KIRREL3: variants seen among roughly 807,000 people sequenced by gnomAD.
KIRREL3 encodes the protein kirre like nephrin family adhesion molecule 3.
A neutral mutation model predicts 89.7 loss-of-function variants in KIRREL3; 36 were observed. The observed-to-expected ratio is 0.40, with a 90% CI of 0.31 to 0.53. The LOEUF is 0.53. Ranked by LOEUF, KIRREL3 falls within the 20% of genes least tolerant of loss-of-function variation. The pLI, the probability that KIRREL3 is intolerant of heterozygous loss-of-function variation, is 0.49. For synonymous variants in KIRREL3, 445 were observed against 441.4 expected, an observed-to-expected ratio of 1.01 and a Z score of -0.10; for missense variants, 864 against 1,056.6, an observed-to-expected ratio of 0.82 and a Z score of 2.53.
intron 1 of KIRREL3, among the ~76,000 whole-genome samples, chr11:126,820,892 T>C (rs1346546676): frequency 1.3e-5 from 2 of 152,126 alleles, no homozygotes; most frequent in African/African-American, 4.8e-5. Flanking sequence ...TACCTTGAGT[T>C]TTCGTGAGGA....
At chr11:126,827,305 G>A (rs573654405) in intron 1 of KIRREL3, among the ~76,000 whole-genome samples, 1 of 152,094 alleles carries the variant, frequency 6.6e-6, no homozygotes, top group Admixed American at 6.5e-5. Flanking sequence ...AGCCTCCCGA[G>A]TAGCTGGGGC....
rs1356835760 is a variant in KIRREL3, at chr11:126,612,443, T to C, written c.56-49531A>G. Among the ~76,000 whole-genome samples the C allele has an allele frequency of 2.0e-5, 3 of 152,242 alleles. No individual in the cohort carries two copies. The highest frequency in any genetic ancestry group is 7.2e-5 in the African/African-American group (3 of 41,474). On this transcript the variant is annotated intron_variant, in intron 1 of 16. Coordinates refer to ENST00000525144, the MANE Select transcript of KIRREL3 (RefSeq NM_032531.4). This position sits in a 1 kb window ranked among gnomAD's most constrained non-coding sequence, Gnocchi z 4.5. The stretch of plus-strand genomic sequence containing the variant: ...TATGCATCCTATCACCTGGCTCTGC[T>C]ACTAACTGTCTCATGAACTTGGAAG...
At chr11:126,661,340 A>AT (rs1273736629) in intron 1 of KIRREL3, among the ~76,000 whole-genome samples, 1 of 152,218 alleles carries the variant, frequency 6.6e-6, no homozygotes, top group Non-Finnish European at 1.5e-5. Flanking sequence ...CACCAGCTGC[A>AT]TTTTGCAAGA....
chr11:126,833,004 C>G (rs1943661567), intron 1 of KIRREL3, among the ~76,000 whole-genome samples: 1 of 152,190 alleles, frequency 6.6e-6, no homozygotes, highest in Non-Finnish European at 1.5e-5. Context: ...GGCTGCCACA[C>G]CACCTTTAAA....
At position 126,946,478 on chromosome 11, in the gene KIRREL3, T is replaced by C. The variant is rs1948622909; in HGVS notation, c.55+53977A>G. Among the ~76,000 whole-genome samples, 1 of 152,240 alleles carries C rather than the reference T, an allele frequency of 6.6e-6. No homozygotes were observed. Among genetic ancestry groups the C allele is most frequent in the Non-Finnish European group, 1.5e-5 (1 of 68,044 alleles). ...ACAGTTGAAAAAGGACTAATACAAA[T>C]GCCCATAAAATCTACAGACTAGACT... On this transcript the variant is annotated intron_variant, in intron 1 of 16. Coordinates refer to ENST00000525144, the MANE Select transcript of KIRREL3 (RefSeq NM_032531.4). This position sits in a 1 kb window ranked among gnomAD's most constrained non-coding sequence, Gnocchi z 4.1.
At chr11:126,595,021 C>T (rs1942329661) in intron 1 of KIRREL3, among the ~76,000 whole-genome samples, 1 of 152,234 alleles carries the variant, frequency 6.6e-6, no homozygotes, top group Non-Finnish European at 1.5e-5. Flanking sequence ...TGAGCGTGCC[C>T]TGAAGATGGG....
At chr11:126,899,535 C>T (rs1946290298) in intron 1 of KIRREL3, among the ~76,000 whole-genome samples, 1 of 152,204 alleles carries the variant, frequency 6.6e-6, no homozygotes, top group African/African-American at 2.4e-5. Flanking sequence ...TTCCATCTAA[C>T]CAATTTGAAA....
At chr11:126,482,929 G>A (rs1025451048) in intron 4 of KIRREL3, among the ~76,000 whole-genome samples, 1 of 152,244 alleles carries the variant, frequency 6.6e-6, no homozygotes, top group African/African-American at 2.4e-5. Context: ...TTTTGGAGTG[G>A]TTTATTATGC....
intron 1 of KIRREL3, among the ~76,000 whole-genome samples, chr11:126,580,725 C>A (rs1244118183): frequency 6.6e-6 from 1 of 152,148 alleles, no homozygotes; most frequent in Non-Finnish European, 1.5e-5. Flanking sequence ...GACTGCTCTG[C>A]CCTGTCTTCT....
chr11:126,822,181 C>A (rs939516), intron 1 of KIRREL3, among the ~76,000 whole-genome samples: 131,485 of 152,256 alleles, frequency 0.86, 57,126 homozygotes, highest in East Asian at 1. Context: ...ATAAGAATGG[C>A]TATCTTATGG....
chr11:127,002,396 C>G (rs1419097377), upstream of KIRREL3, among the ~76,000 whole-genome samples: 1 of 152,110 alleles, frequency 6.6e-6, no homozygotes, highest in Non-Finnish European at 1.5e-5. Context: ...AAGAGGCAGC[C>G]CATTAGCTAA....
At chr11:126,507,873 A>C (rs1024435206) in intron 4 of KIRREL3, among the ~76,000 whole-genome samples, 14 of 152,226 alleles carry the variant, frequency 9.2e-5, no homozygotes, top group Non-Finnish European at 1.6e-4. Flanking sequence ...TGGAAGAGTA[A>C]GAGGACCAGC....
chr11:126,855,433 C>A lies in KIRREL3; in HGVS notation c.55+145022G>T, dbSNP rs537265478. Among the ~76,000 whole-genome samples, 153 of 152,320 alleles carry A rather than the reference C, an allele frequency of 1.0e-3. No homozygotes were observed. In the Middle Eastern group the frequency reaches 0.01, roughly 10 times the overall value. ...TTAACTTTCCTGAGGCCTCCCCAGC[C>A]ATGCTTCCTGGACAGCCTGCAGAAT... On this transcript the variant is annotated intron_variant, in intron 1 of 16. Transcript: ENST00000525144.
intron 2 of KIRREL3, among the ~76,000 whole-genome samples, chr11:126,554,569 A>G (rs372541568): frequency 3.9e-5 from 6 of 152,300 alleles, no homozygotes; most frequent in Admixed American, 3.3e-4. Context: ...AGCATCTTGG[A>G]GCTACTGACT....
At position 126,946,730 on chromosome 11, in the gene KIRREL3, CTT is replaced by C. The variant is rs1308432552; in HGVS notation, c.55+53723_55+53724del. Among the ~76,000 whole-genome samples, 2 of 152,140 alleles carry C rather than the reference CTT, an allele frequency of 1.3e-5. No homozygotes were observed. Among genetic ancestry groups the C allele is most frequent in the African/African-American group, 4.8e-5 (2 of 41,410 alleles). On this transcript the variant is annotated intron_variant, in intron 1 of 16. Transcript: ENST00000525144. The surrounding 1 kb of genome is among the most constrained non-coding windows in gnomAD (Gnocchi z 4.1). ...AACAGGTGTAATAATAATCACTACT[CTT>C]ATTAATTTTGTACTTATCATATGTC...
Position 126,683,394 on chromosome 11 carries a change from C to G in KIRREL3, c.56-120482G>C, listed in dbSNP as rs1379538238. On this transcript the variant is annotated intron_variant, in intron 1 of 16. Coordinates refer to ENST00000525144, the MANE Select transcript of KIRREL3 (RefSeq NM_032531.4). The surrounding 1 kb of genome is among the most constrained non-coding windows in gnomAD (Gnocchi z 5.2). ...GTCTCTGGACAGCTCCCCAGAGGGCCGTGGTCCACAAAGGGAAACACTGTC... is the reference window on the plus strand; with the variant it reads ...GTCTCTGGACAGCTCCCCAGAGGGCGGTGGTCCACAAAGGGAAACACTGTC... Among the ~76,000 whole-genome samples the G allele has an allele frequency of 1.3e-5, 2 of 152,126 alleles. No individual in the cohort carries two copies. Among genetic ancestry groups the G allele is most frequent in the Non-Finnish European group, 2.9e-5 (2 of 68,024 alleles).
At chr11:126,500,164 G>C (rs769403888) in intron 4 of KIRREL3, among the ~76,000 whole-genome samples, 6 of 152,178 alleles carry the variant, frequency 3.9e-5, no homozygotes, top group Non-Finnish European at 8.8e-5. Context: ...TTGGGTTGTC[G>C]GAGTACGATT....
chr11:126,887,850 T>C (rs59667932), intron 1 of KIRREL3, among the ~76,000 whole-genome samples: 4,561 of 152,240 alleles, frequency 0.03, 226 homozygotes, highest in African/African-American at 0.11. Context: ...CAGTTAAACA[T>C]AGGTGAGGTC....
chr11:126,855,752 A>T (rs1346082193), intron 1 of KIRREL3, among the ~76,000 whole-genome samples: 4 of 152,158 alleles, frequency 2.6e-5, no homozygotes, highest in African/African-American at 4.8e-5. Flanking sequence ...AGTTTGGGTG[A>T]GGTCTAATGC....
Sources: allele counts gnomAD v4.1 joint callset (sites outside exome capture counted in the v4.1 genomes callset), GRCh38; gene constraint gnomAD v4.1.1; non-coding constraint Gnocchi (gnomAD v3.1); transcripts MANE v1.5; gene names NCBI Gene and HGNC (gene_info 2026-07-23, HGNC 2026-07-21).